Variants in WDR27 observed in about 807,000 individuals in gnomAD.
WDR27 encodes WD repeat-containing protein 27.
A neutral mutation model predicts 114.4 loss-of-function variants in WDR27; 100 were observed. The observed-to-expected ratio is 0.87, with a 90% CI of 0.74 to 1.03. The LOEUF (loss-of-function observed/expected upper bound fraction) is 1.03, where lower values mean the gene tolerates loss of function less well. Among genes scored for constraint, WDR27 ranks in the 50% least tolerant of loss-of-function variants. The pLI, the probability that WDR27 is intolerant of heterozygous loss-of-function variation, is 0.00. For missense variants in WDR27, 1,129 were observed against 1,092.9 expected, an observed-to-expected ratio of 1.03 and a Z score of -0.47; for synonymous variants, 449 against 423.1, an observed-to-expected ratio of 1.06 and a Z score of -0.75.
chr6:169,497,448 AGAC>A (rs1790553061), intron 25 of WDR27, among the ~76,000 whole-genome samples: 1 of 152,172 alleles, frequency 6.6e-6, no homozygotes, highest in South Asian at 2.1e-4. Context: ...GTGCATAAGA[AGAC>A]ATTATCAACA....
At chr6:169,548,696 A>G (rs1310396774) in intron 25 of WDR27, among the ~76,000 whole-genome samples, 1 of 152,216 alleles carries the variant, frequency 6.6e-6, no homozygotes, top group African/African-American at 2.4e-5. Flanking sequence ...TTGGAAAAAG[A>G]AGAGACAAAC....
At chr6:169,427,791 G>A in the WDR27 span, among the ~76,000 whole-genome samples, 4 of 142,988 alleles carry the variant, frequency 2.8e-5, no homozygotes, top group South Asian at 2.2e-4. Flanking sequence ...TTTGGAACAA[G>A]TGAAGACAAA....
At chr6:169,662,262 A>T (rs1826359270) in intron 9 of WDR27, 42 bp downstream of exon 9, 1 of 1,593,866 alleles carries the variant, frequency 6.3e-7, no homozygotes, top group African/African-American at 1.3e-5. Flanking sequence ...GGAATTTAAG[A>T]GGTTTCCTTT....
intron 21 of WDR27, among the ~76,000 whole-genome samples, chr6:169,618,171 AATAAC>A (rs1378489444): frequency 6.6e-6 from 1 of 152,202 alleles, no homozygotes; most frequent in Non-Finnish European, 1.5e-5. Flanking sequence ...AATAAAGCAA[AATAAC>A]ATAAGTGACT....
chr6:169,605,125 GT>G (rs67824873), intron 22 of WDR27, among the ~76,000 whole-genome samples: 6,016 of 85,528 alleles, frequency 0.07, 433 homozygotes, highest in African/African-American at 0.21. Flanking sequence ...AAAAAAAAAA[GT>G]TTTTTTTTTT....
intron 13 of WDR27, among the ~76,000 whole-genome samples, chr6:169,652,454 G>A (rs186805008): frequency 5.3e-5 from 8 of 152,176 alleles, no homozygotes; most frequent in African/African-American, 2.4e-5. Flanking sequence ...TCACCATGTT[G>A]GTCAGGATGG....
chr6:169,436,144 T>C, the WDR27 span, among the ~76,000 whole-genome samples: 6 of 152,304 alleles, frequency 3.9e-5, no homozygotes, highest in Admixed American at 1.3e-4. Context: ...AAAATAACCA[T>C]TTAATTAATT....
chr6:169,508,373 G>A (rs766754487), intron 25 of WDR27, among the ~76,000 whole-genome samples: 47 of 152,228 alleles, frequency 3.1e-4, no homozygotes, highest in Non-Finnish European at 4.4e-4. Context: ...GATTGCAGCA[G>A]CCAGAGAAAT....
At chr6:169,462,474 A>AG (rs1028994560) in intron 25 of WDR27, among the ~76,000 whole-genome samples, 2 of 150,106 alleles carry the variant, frequency 1.3e-5, no homozygotes, top group African/African-American at 5.0e-5. Flanking sequence ...GAGGGAGGAG[A>AG]GGGGGGAGAG....
At position 169,659,185 on chromosome 6, in the gene WDR27, A is replaced by G. The variant is rs1251220442; in HGVS notation, c.1220T>C (p.Leu407Pro). ...CAACACGGCAATCTTCCCGCCAAAG[A>G]GGGAGGCCAGCAAGCACAGCACCTG... ...DQKVLCLLAS[L>P]FGGKIAVLEI... The change falls in exon 12 of 26, where the codon CTC becomes CCC. Residue 407 changes from leucine to proline, a missense_variant. By Grantham distance (98) the Leu-to-Pro change is moderately conservative. Transcript: ENST00000448612. This position sits in a 1 kb window ranked among gnomAD's most constrained non-coding sequence, Gnocchi z 4.3. 1 of 1,609,858 alleles carries G rather than the reference A, an allele frequency of 6.2e-7. No individual in the cohort carries two copies. Among genetic ancestry groups the G allele is most frequent in the Non-Finnish European group, 8.5e-7 (1 of 1,178,118 alleles).
At chr6:169,639,756 C>T (rs1562780501) in intron 17 of WDR27, among the ~76,000 whole-genome samples, 1 of 152,190 alleles carries the variant, frequency 6.6e-6, no homozygotes, top group African/African-American at 2.4e-5. Flanking sequence ...ACCCTGAGCA[C>T]GTGCTGGTTT....
chr6:169,556,482 G>T (rs970213723), intron 25 of WDR27, among the ~76,000 whole-genome samples: 1 of 152,132 alleles, frequency 6.6e-6, no homozygotes, highest in Non-Finnish European at 1.5e-5. Context: ...TGTAGCAACG[G>T]GTTATAGATC....
intron 18 of WDR27, 65 bp downstream of exon 18, chr6:169,638,474 G>C: frequency 6.4e-7 from 1 of 1,574,322 alleles, no homozygotes; most frequent in Non-Finnish European, 8.6e-7. Context: ...AAAAGAATGA[G>C]ACTTTTGAGA....
At chr6:169,513,420 A>G (rs1380092767) in intron 25 of WDR27, among the ~76,000 whole-genome samples, 1 of 152,170 alleles carries the variant, frequency 6.6e-6, no homozygotes, top group Admixed American at 6.5e-5. Context: ...CCTCTCGAGG[A>G]AAGAAGTGTT....
the WDR27 span, among the ~76,000 whole-genome samples, chr6:169,443,789 G>A: frequency 1.3e-5 from 2 of 152,296 alleles, no homozygotes; most frequent in Admixed American, 6.5e-5. Context: ...AGGGGCAGCT[G>A]CCTCCAATAG....
chr6:169,557,687 C>T (rs1799113817), intron 25 of WDR27, among the ~76,000 whole-genome samples: 1 of 152,164 alleles, frequency 6.6e-6, no homozygotes, highest in Admixed American at 6.5e-5. Flanking sequence ...GTCCCAGACA[C>T]TCAGGAGGCT....
intron 18 of WDR27, among the ~76,000 whole-genome samples, chr6:169,637,528 CAT>C (rs113371284): frequency 0.037 from 5,625 of 151,030 alleles, 329 homozygotes; most frequent in African/African-American, 0.13. Context: ...TATGCATCTA[CAT>C]GTGTGTGTGC....
chr6:169,634,562 T>C (rs757183691), intron 19 of WDR27, 37 bp from the exon 20 acceptor site: 2 of 1,407,614 alleles, frequency 1.4e-6, no homozygotes, highest in Non-Finnish European at 2.0e-6. Flanking sequence ...TATTTTTGCT[T>C]TCCTTCTGCT....
chr6:169,659,475 C>A lies in WDR27; in HGVS notation c.1173G>T (p.Leu391=). ...CCTTTTGATCCGCAGTGCGGTTCCT[C>A]AGGGCACACGATCCGGCCAGCAGGA... The part of the protein sequence containing the change: ...LSILLAGSCA[L]RNRTADQKVL... Residue 391 remains leucine (L), a synonymous_variant, in exon 11 of 26, where the codon CTG becomes CTT. Transcript: ENST00000448612. The surrounding 1 kb of genome is among the most constrained non-coding windows in gnomAD (Gnocchi z 4.3). The A allele has an allele frequency of 6.2e-7, 1 of 1,610,214 alleles. No homozygotes were observed.
Sources: allele counts gnomAD v4.1 joint callset (sites outside exome capture counted in the v4.1 genomes callset), GRCh38; gene constraint gnomAD v4.1.1; non-coding constraint Gnocchi (gnomAD v3.1); transcripts MANE v1.5; gene names NCBI Gene and HGNC (gene_info 2026-07-23, HGNC 2026-07-21).